Variants in ARPC5L observed in about 807,000 individuals in gnomAD.
The protein encoded by ARPC5L is actin related protein 2/3 complex subunit 5 like.
In ARPC5L, 4 loss-of-function variants were observed where a neutral mutation model predicts 16.9. The ratio of observed to expected loss-of-function variants is 0.24; its 90% confidence interval spans 0.12 to 0.54. The LOEUF is 0.54. Ranked by LOEUF, ARPC5L falls within the 20% of genes least tolerant of loss-of-function variation. ARPC5L has a pLI of 0.95. For synonymous variants in ARPC5L, 78 were observed against 82.6 expected (o/e 0.94, Z 0.30); for missense variants, 151 against 201.9 (o/e 0.75, Z 1.53).
intron 2 of ARPC5L, 57 bp downstream of exon 2, chr9:124,864,164 G>C (rs78035511): frequency 6.6e-6 from 1 of 151,828 alleles, no homozygotes; most frequent in East Asian, 1.9e-4. Flanking sequence ...GTAGAGAGAG[G>C]GCAATCCCGG....
intron 1 of ARPC5L, among the ~76,000 whole-genome samples, chr9:124,863,523 T>A (rs1829232743): frequency 6.6e-6 from 1 of 152,226 alleles, no homozygotes; most frequent in Non-Finnish European, 1.5e-5. Context: ...TTGAGACTCT[T>A]GGGAAATCTC....
intron 3 of ARPC5L, among the ~76,000 whole-genome samples, chr9:124,870,108 T>C (rs1053090470): frequency 2.0e-5 from 3 of 152,154 alleles, no homozygotes; most frequent in African/African-American, 7.2e-5. Context: ...TCAGCCACGC[T>C]CAACAAGTGA....
intron 3 of ARPC5L, among the ~76,000 whole-genome samples, chr9:124,872,178 C>T (rs537220847): frequency 6.6e-5 from 10 of 152,316 alleles, no homozygotes; most frequent in African/African-American, 2.4e-4. Context: ...TGCCCTTCCC[C>T]ATCCATCATT....
chr9:124,875,237 T>C (rs1588045654), intron 5 of ARPC5L, 86 bp downstream of exon 5: 3 of 1,465,518 alleles, frequency 2.0e-6, no homozygotes, highest in East Asian at 2.3e-5. Flanking sequence ...AGAACAAACG[T>C]AGGACGGTCT....
chr9:124,864,439 G>A (rs1256507834), intron 2 of ARPC5L, among the ~76,000 whole-genome samples: 1 of 152,080 alleles, frequency 6.6e-6, no homozygotes, highest in Non-Finnish European at 1.5e-5. Context: ...GGCTCTCACT[G>A]CAACCTCTGC....
At chr9:124,873,642 A>G (rs755715888) in intron 3 of ARPC5L, 50 bp from the exon 4 acceptor site, 1 of 1,602,318 alleles carries the variant, frequency 6.2e-7, no homozygotes. Flanking sequence ...CTTGTTCATG[A>G]CGGCATGGAT....
At chr9:124,867,808 CTT>C (rs57343594) in intron 2 of ARPC5L, among the ~76,000 whole-genome samples, 181 of 98,734 alleles carry the variant, frequency 1.8e-3, no homozygotes, top group Admixed American at 6.1e-3. Context: ...CTTTTCTTTT[CTT>C]TTTTTTTTTT....
chr9:124,866,073 C>G (rs1829266604), intron 2 of ARPC5L, among the ~76,000 whole-genome samples: 1 of 151,558 alleles, frequency 6.6e-6, no homozygotes, highest in South Asian at 2.1e-4. Flanking sequence ...CCACTGCACT[C>G]TAGCCTAGGC....
At chr9:124,866,141 C>T (rs936642665) in intron 2 of ARPC5L, among the ~76,000 whole-genome samples, 8 of 152,010 alleles carry the variant, frequency 5.3e-5, no homozygotes, top group Admixed American at 3.9e-4. Context: ...CAGTGGCTCA[C>T]GTCTGTAATC....
At chr9:124,871,165 T>TGGGGAGGGC (rs1829352718) in intron 3 of ARPC5L, among the ~76,000 whole-genome samples, 1 of 151,990 alleles carries the variant, frequency 6.6e-6, no homozygotes, top group African/African-American at 2.4e-5. Context: ...GGATTGGGGT[T>TGGGGAGGGC]GGGGAGGGCA....
At chr9:124,869,590 C>T in intron 3 of ARPC5L, 151 bp downstream of exon 3, 5 of 1,313,080 alleles carry the variant, frequency 3.8e-6, no homozygotes, top group Non-Finnish European at 3.9e-6. Context: ...ACCCGGCTTC[C>T]CTGGGCCGTG....
intron 2 of ARPC5L, among the ~76,000 whole-genome samples, chr9:124,867,613 C>T (rs1829289252): frequency 6.6e-6 from 1 of 152,068 alleles, no homozygotes; most frequent in South Asian, 2.1e-4. Context: ...TTACTAGTTT[C>T]TTTGGGGGCT....
At chr9:124,863,828 A>C (rs997132126) in intron 1 of ARPC5L, among the ~76,000 whole-genome samples, 160 bp from the exon 2 acceptor site, 2 of 152,206 alleles carry the variant, frequency 1.3e-5, no homozygotes, top group African/African-American at 4.8e-5. Flanking sequence ...CACCTCTTAG[A>C]GTTATGGTTG....
intron 2 of ARPC5L, among the ~76,000 whole-genome samples, chr9:124,865,598 T>G (rs916821626): frequency 6.6e-6 from 1 of 151,334 alleles, no homozygotes; most frequent in Non-Finnish European, 1.5e-5. Flanking sequence ...GAGACCAGCC[T>G]GGCCAACATG....
chr9:124,863,828 A>G (rs997132126), intron 1 of ARPC5L, among the ~76,000 whole-genome samples, 160 bp from the exon 2 acceptor site: 8 of 152,206 alleles, frequency 5.3e-5, no homozygotes, highest in Non-Finnish European at 8.8e-5. Flanking sequence ...CACCTCTTAG[A>G]GTTATGGTTG....
In ARPC5L at chr9:124,877,641, C is replaced by CTATT. The variant is rs1449781667; in HGVS notation, c.*706_*709dup. 1.3e-5 allele frequency: 2 copies of CTATT among 152,236 alleles called. No homozygotes were observed. The highest frequency in any genetic ancestry group is 1.9e-4 in the East Asian group (1 of 5,202). 9.4% of individuals were successfully genotyped at this position (152,236 alleles called of 1,614,324 possible). A position where few individuals can be genotyped will look rare whatever the true frequency, so the allele number is the denominator to read the frequency against. On this transcript the variant is annotated 3_prime_UTR_variant, in exon 6 of 6. Transcript: ENST00000353214. ...TGCAGAGAGGTGTTTGCTGAATAAA[C>CTATT]TATTTATTGTTTCTTATTCCTTTGA...
At chr9:124,873,416 C>G in intron 3 of ARPC5L, 1 of 495,510 alleles carries the variant, frequency 2.0e-6, no homozygotes, top group Non-Finnish European at 3.7e-6. Context: ...CAAGTGAGCA[C>G]AATCCAATTT....
intron 2 of ARPC5L, among the ~76,000 whole-genome samples, chr9:124,866,542 A>G (rs994168682): frequency 2.6e-5 from 4 of 151,802 alleles, no homozygotes; most frequent in Admixed American, 1.3e-4. Context: ...GCCAACATGG[A>G]GAAACCCCGT....
intron 3 of ARPC5L, among the ~76,000 whole-genome samples, chr9:124,871,679 C>G (rs1270332283): frequency 6.6e-6 from 1 of 152,152 alleles, no homozygotes; most frequent in Non-Finnish European, 1.5e-5. Context: ...AGTATGAGTT[C>G]CTTTCCCCTT....
Sources: gnomAD v4.1 joint callset for allele counts (sites outside exome capture counted in the v4.1 genomes callset) on GRCh38, gnomAD v4.1.1 for gene constraint, MANE v1.5 for transcripts, NCBI Gene and HGNC (gene_info 2026-07-23, HGNC 2026-07-21) for gene names.